Variants in SPIN1 observed in about 807,000 individuals in gnomAD.
SPIN1 encodes spindlin 1, also known as spindlin-1.
In SPIN1, 3 loss-of-function variants were observed where a neutral mutation model predicts 26.0. The ratio of observed to expected loss-of-function variants is 0.12; its 90% CI spans 0.05 to 0.30. The LOEUF (loss-of-function observed/expected upper bound fraction) is 0.30, where lower values mean the gene tolerates loss of function less well. Among genes scored for constraint, SPIN1 ranks in the 10% least tolerant of loss-of-function variants. The probability of loss-of-function intolerance (pLI) is 1.00; values close to 1 mark genes in which losing one functional copy is unlikely to be tolerated. For missense variants in SPIN1, 126 were observed against 333.4 expected (o/e 0.38, Z 4.84); for synonymous variants, 101 against 116.5 (o/e 0.87, Z 0.86).
chr9:88,473,775 G>C (rs1334560722), intron 5 of SPIN1, among the ~76,000 whole-genome samples: 1 of 152,018 alleles, frequency 6.6e-6, no homozygotes, highest in African/African-American at 2.4e-5. Flanking sequence ...GCCTCTACAT[G>C]ACTCCCTTGG....
At chr9:88,455,811 G>T (rs56046208) in intron 3 of SPIN1, among the ~76,000 whole-genome samples, 8,190 of 151,894 alleles carry the variant, frequency 0.054, 704 homozygotes, top group African/African-American at 0.18. Flanking sequence ...GACCCTGTCT[G>T]TACAAAAAAT....
intron 5 of SPIN1, among the ~76,000 whole-genome samples, chr9:88,470,599 C>T (rs181119037): frequency 7.8e-6 from 1 of 128,562 alleles, no homozygotes; most frequent in African/African-American, 4.9e-5. Context: ...TTGGCCCCCC[C>T]CCTTTTTTTT....
chr9:88,444,881 C>T (rs767915403), intron 2 of SPIN1, among the ~76,000 whole-genome samples: 3 of 150,980 alleles, frequency 2.0e-5, no homozygotes, highest in African/African-American at 4.9e-5. Context: ...TTAGTAGAGA[C>T]GGGGTTTCAC....
In SPIN1 at chr9:88,397,839, G is replaced by A. The variant is rs542619463; in HGVS notation, c.-159+9301G>A. On this transcript the variant is annotated intron_variant, in intron 1 of 5. Transcript: ENST00000375859. ...GGGTTTCACCTTGTTGGCCAGACTGGTCGCCATCTCCTGACCTCAAGTGAT... is the reference window on the plus strand; with the variant it reads ...GGGTTTCACCTTGTTGGCCAGACTGATCGCCATCTCCTGACCTCAAGTGAT... 3.3e-5 allele frequency among the ~76,000 whole-genome samples: 5 copies of A among 151,156 alleles called. No individual in the cohort carries two copies. In the South Asian group the frequency reaches 1.0e-3, roughly 32 times the overall value.
intron 3 of SPIN1, among the ~76,000 whole-genome samples, chr9:88,451,448 T>C (rs948380422): frequency 4.6e-5 from 7 of 152,218 alleles, no homozygotes; most frequent in South Asian, 2.1e-4. Context: ...AGCTTTTTTT[T>C]CCTATAGGCT....
At chr9:88,393,465 T>TTA (rs1826978154) in intron 1 of SPIN1, among the ~76,000 whole-genome samples, 1 of 130,862 alleles carries the variant, frequency 7.6e-6, no homozygotes, top group Non-Finnish European at 1.6e-5. Context: ...TTTTTTTTTT[T>TTA]TTTTTTTTGA....
intron 2 of SPIN1, among the ~76,000 whole-genome samples, chr9:88,441,953 CTTTT>C (rs71356761): frequency 2.1e-5 from 2 of 94,346 alleles, no homozygotes; most frequent in Non-Finnish European, 4.4e-5. Context: ...CTATATTTTC[CTTTT>C]TTTTTTTTTT....
chr9:88,415,136 C>T (rs954757866), intron 1 of SPIN1, among the ~76,000 whole-genome samples: 1 of 152,038 alleles, frequency 6.6e-6, no homozygotes, highest in Non-Finnish European at 1.5e-5. Context: ...AATCTCCTGA[C>T]CTTGTGATCC....
chr9:88,435,779 T>G (rs776165903), intron 2 of SPIN1, among the ~76,000 whole-genome samples: 1 of 152,216 alleles, frequency 6.6e-6, no homozygotes, highest in Non-Finnish European at 1.5e-5. Context: ...CAGCCTTTCT[T>G]GAGTCCCTGG....
chr9:88,473,643 T>TTGTGTGTGTGTGTG (rs113216961), intron 5 of SPIN1, among the ~76,000 whole-genome samples: 36 of 119,256 alleles, frequency 3.0e-4, no homozygotes, highest in African/African-American at 9.0e-4. Context: ...TTCTCCAAAC[T>TTGTGTGTGTGTGTG]TGTGTGTGTG....
chr9:88,457,794 T>C (rs1828499572), intron 3 of SPIN1: 1 of 960,792 alleles, frequency 1.0e-6, no homozygotes, highest in Non-Finnish European at 1.2e-6. Context: ...CCAGAGGATG[T>C]ATCTAGAAAG....
chr9:88,402,181 CAG>C (rs1028153462), intron 1 of SPIN1, among the ~76,000 whole-genome samples: 2 of 151,984 alleles, frequency 1.3e-5, no homozygotes, highest in African/African-American at 4.8e-5. Context: ...TTAGTAGAGA[CAG>C]GGTTTCACCA....
chr9:88,441,853 TTTA>T (rs911144529), intron 2 of SPIN1, among the ~76,000 whole-genome samples: 1 of 148,826 alleles, frequency 6.7e-6, no homozygotes, highest in Middle Eastern at 3.6e-3. Context: ...ATGTTACATA[TTTA>T]TTATAATTGT....
intron 2 of SPIN1, among the ~76,000 whole-genome samples, chr9:88,446,115 T>C (rs542218786): frequency 2.0e-5 from 3 of 152,182 alleles, no homozygotes; most frequent in Non-Finnish European, 4.4e-5. Flanking sequence ...GATGTGTCTT[T>C]GTCTTTAATT....
chr9:88,416,426 T>C (rs1276386391), intron 1 of SPIN1, among the ~76,000 whole-genome samples: 7 of 152,022 alleles, frequency 4.6e-5, no homozygotes, highest in African/African-American at 1.7e-4. Flanking sequence ...CTTGGGCTCA[T>C]GGGATCCTCC....
intron 3 of SPIN1, among the ~76,000 whole-genome samples, chr9:88,456,964 A>G (rs1463983233): frequency 6.6e-6 from 1 of 152,190 alleles, no homozygotes; most frequent in East Asian, 1.9e-4. Flanking sequence ...AATATTATGC[A>G]AGATATTCAA....
chr9:88,456,669 T>C (rs1436411535), intron 3 of SPIN1, among the ~76,000 whole-genome samples: 5 of 152,192 alleles, frequency 3.3e-5, no homozygotes, highest in African/African-American at 7.2e-5. Context: ...TGACTTGAGC[T>C]GAAGACATAC....
At chr9:88,407,090 G>C (rs1827326593) in intron 1 of SPIN1, among the ~76,000 whole-genome samples, 1 of 145,712 alleles carries the variant, frequency 6.9e-6, no homozygotes, top group African/African-American at 2.5e-5. Flanking sequence ...TTCTAGTAGT[G>C]AATTTCCTAT....
intron 1 of SPIN1, among the ~76,000 whole-genome samples, chr9:88,411,838 A>G (rs1057164978): frequency 6.6e-6 from 1 of 151,940 alleles, no homozygotes; most frequent in Admixed American, 6.6e-5. Flanking sequence ...TTCTTATGGT[A>G]GTTTTCAGTT....
Sources: allele counts gnomAD v4.1 joint callset (sites outside exome capture counted in the v4.1 genomes callset), GRCh38; gene constraint gnomAD v4.1.1; transcripts MANE v1.5; gene names NCBI Gene and HGNC (gene_info 2026-07-23, HGNC 2026-07-21).